TTC4: variants seen among roughly 807,000 people sequenced by gnomAD.
The protein encoded by TTC4 is hsp70/Hsp90 co-chaperone CNS1 homolog.
Under a neutral mutation model 51.9 loss-of-function variants are expected in TTC4, and 36 were observed. The observed-to-expected ratio is 0.69, with a 90% CI of 0.53 to 0.92. The LOEUF (loss-of-function observed/expected upper bound fraction) is 0.92, where lower values mean the gene tolerates loss of function less well. Among genes scored for constraint, TTC4 ranks in the 40% least tolerant of loss-of-function variants. The pLI, the probability that TTC4 is intolerant of heterozygous loss-of-function variation, is 0.00. For missense variants in TTC4, 399 were observed against 454.6 expected (o/e 0.88, Z 1.11); for synonymous variants, 144 against 164.2 (o/e 0.88, Z 0.94).
intron 6 of TTC4, among the ~76,000 whole-genome samples, chr1:54,730,280 C>CT (rs746084756): frequency 0.071 from 9,516 of 133,102 alleles, 838 homozygotes; most frequent in African/African-American, 0.2. Context: ...TGCATAAATC[C>CT]TTTTTTTTTT....
chr1:54,724,684 A>G (rs552374813), intron 5 of TTC4, among the ~76,000 whole-genome samples: 3 of 152,314 alleles, frequency 2.0e-5, no homozygotes, highest in African/African-American at 7.2e-5. Context: ...AAACTTGACA[A>G]CTCAAAGAAG....
chr1:54,717,114 G>A (rs1333647012), intron 2 of TTC4, among the ~76,000 whole-genome samples: 1 of 152,056 alleles, frequency 6.6e-6, no homozygotes, highest in Non-Finnish European at 1.5e-5. Context: ...GGTGAGGAGG[G>A]GAATTTGCAC....
rs911261661 is a variant in TTC4, at chr1:54,718,193, C to A, written c.391+540C>A. 3.3e-5 allele frequency among the ~76,000 whole-genome samples: 5 copies of A among 151,978 alleles called. No homozygotes were observed. The East Asian group carries it at 9.7e-4, about 29-fold the overall frequency. ...GCCAGGAGTTCAAGACCAACCTGGG[C>A]AATATAGTGAGACCCTGTCTCTCCA... On this transcript the variant is annotated intron_variant, in intron 3 of 9. Transcript: ENST00000371281.
rs112673563 is a variant in TTC4, at chr1:54,734,921, T to C, written c.978+1211T>C. On this transcript the variant is annotated intron_variant, in intron 8 of 9. Transcript: ENST00000371281. Reference sequence around the variant, plus strand: ...GCAGGAAATTTACATTAATTCACTGTTACCATCTAACCCTCAGACTCCATT... The same window carrying C: ...GCAGGAAATTTACATTAATTCACTGCTACCATCTAACCCTCAGACTCCATT... 5.8e-3 allele frequency among the ~76,000 whole-genome samples: 876 copies of C among 152,310 alleles called. 4 individuals carry two copies. Among genetic ancestry groups the C allele is most frequent in the Non-Finnish European group, 9.4e-3 (642 of 68,018 alleles).
At chr1:54,729,208 T>C (rs75320072) in intron 6 of TTC4, among the ~76,000 whole-genome samples, 2 of 152,234 alleles carry the variant, frequency 1.3e-5, no homozygotes, top group Non-Finnish European at 2.9e-5. Context: ...CGTGATTTCA[T>C]CATCTGCTAC....
chr1:54,720,182 G>A (rs558353597), intron 3 of TTC4, among the ~76,000 whole-genome samples: 44 of 152,256 alleles, frequency 2.9e-4, no homozygotes, highest in African/African-American at 1.0e-3. Context: ...GATTGCAGGA[G>A]TGAGCCACCT....
chr1:54,719,979 A>G lies in TTC4; in HGVS notation c.392-1184A>G, dbSNP rs192963720. Among the ~76,000 whole-genome samples the G allele has an allele frequency of 1.5e-3, 230 of 151,458 alleles. 1 individual carries two copies. Among genetic ancestry groups the G allele is most frequent in the African/African-American group, 5.0e-3 (207 of 41,188 alleles). On this transcript the variant is annotated intron_variant, in intron 3 of 9. Coordinates refer to ENST00000371281, the MANE Select transcript of TTC4 (RefSeq NM_004623.5). ...CTAGCTGTGATCATAGCATAGTGCA[A>G]TCTTAGACTCCTGGGCTCAAGCAAT...
chr1:54,724,291 A>T (rs1645776171), intron 5 of TTC4, among the ~76,000 whole-genome samples: 1 of 150,640 alleles, frequency 6.6e-6, no homozygotes, highest in Non-Finnish European at 1.5e-5. Flanking sequence ...CATGAGACAG[A>T]GTCTTGCTCT....
At chr1:54,733,747 ATTTTTTTT>A (rs371403281) in intron 8 of TTC4, 37 bp downstream of exon 8, 256,121 of 788,068 alleles carry the variant, frequency 0.32, 17,870 homozygotes, top group East Asian at 0.42. Context: ...TATGGAATTA[ATTTTTTTT>A]TTTTTTTTTT....
intron 8 of TTC4, among the ~76,000 whole-genome samples, chr1:54,734,363 T>C (rs11485530): frequency 0.12 from 18,006 of 151,746 alleles, 1,761 homozygotes; most frequent in African/African-American, 0.26. Flanking sequence ...TGAGCCACCA[T>C]GCCCAACCAG....
chr1:54,729,499 A>T (rs1645839920), intron 6 of TTC4, among the ~76,000 whole-genome samples: 1 of 152,148 alleles, frequency 6.6e-6, no homozygotes, highest in Non-Finnish European at 1.5e-5. Flanking sequence ...CCTTGCTCTT[A>T]ACCACTGGGT....
At chr1:54,718,320 C>T (rs1645700730) in intron 3 of TTC4, among the ~76,000 whole-genome samples, 1 of 152,174 alleles carries the variant, frequency 6.6e-6, no homozygotes, top group African/African-American at 2.4e-5. Context: ...AATCACACCA[C>T]TGCACTCCAG....
chr1:54,724,858 C>G (rs1287097079), intron 5 of TTC4, among the ~76,000 whole-genome samples: 1 of 152,168 alleles, frequency 6.6e-6, no homozygotes, highest in African/African-American at 2.4e-5. Flanking sequence ...CAAAAATGAT[C>G]AGAATTCACT....
chr1:54,732,951 G>A (rs910501768), intron 7 of TTC4, among the ~76,000 whole-genome samples: 9 of 151,938 alleles, frequency 5.9e-5, no homozygotes, highest in Non-Finnish European at 8.8e-5. Flanking sequence ...GCCGGGCATG[G>A]TGGTGCATGC....
intron 1 of TTC4, chr1:54,716,275 C>T (rs1645674779): frequency 3.7e-6 from 2 of 541,700 alleles, no homozygotes; most frequent in Non-Finnish European, 6.5e-6. Context: ...TTCTCAGAGT[C>T]CGTTTCCTCA....
chr1:54,736,504 G>T (rs966539756), intron 8 of TTC4, among the ~76,000 whole-genome samples: 1 of 151,902 alleles, frequency 6.6e-6, no homozygotes, highest in African/African-American at 2.4e-5. Flanking sequence ...CCAAGTAGCT[G>T]GGACCACAGG....
At chr1:54,717,361 C>T (rs1182326704) in intron 2 of TTC4, 131 bp from the exon 3 acceptor site, 4 of 737,604 alleles carry the variant, frequency 5.4e-6, no homozygotes, top group African/African-American at 3.7e-5. Flanking sequence ...ATCATAACAT[C>T]GAGTTTCCTT....
intron 6 of TTC4, among the ~76,000 whole-genome samples, chr1:54,729,655 T>C (rs932962073): frequency 6.6e-6 from 1 of 152,156 alleles, no homozygotes; most frequent in Non-Finnish European, 1.5e-5. Flanking sequence ...CCTTGATACC[T>C]AGGGAGTCAC....
intron 6 of TTC4, among the ~76,000 whole-genome samples, chr1:54,730,342 A>C (rs72909890): frequency 0.12 from 17,636 of 149,420 alleles, 1,746 homozygotes; most frequent in African/African-American, 0.26. Flanking sequence ...CTTAGCATAC[A>C]TAAGAGTTAC....
Sources: allele counts gnomAD v4.1 joint callset (sites outside exome capture counted in the v4.1 genomes callset), GRCh38; gene constraint gnomAD v4.1.1; transcripts MANE v1.5; gene names NCBI Gene and HGNC (gene_info 2026-07-23, HGNC 2026-07-21).